Variants in MAGI2 observed in about 807,000 individuals in gnomAD.
MAGI2 encodes the protein membrane-associated guanylate kinase, WW and PDZ domain-containing protein 2.
Under a neutral mutation model 133.3 loss-of-function variants are expected in MAGI2, and 35 were observed. The observed-to-expected ratio is 0.26, with a 90% CI of 0.20 to 0.35. The LOEUF (loss-of-function observed/expected upper bound fraction) is 0.35. Ranked by LOEUF, MAGI2 falls within the 10% of genes least tolerant of loss-of-function variation. The probability of loss-of-function intolerance (pLI) is 1.00; values close to 1 mark genes in which losing one functional copy is unlikely to be tolerated. For synonymous variants in MAGI2, 729 were observed against 710.6 expected (o/e 1.03, Z -0.41); for missense variants, 1,636 against 1,863.4 (o/e 0.88, Z 2.25).
chr7:79,183,462 A>T (rs901142738), intron 1 of MAGI2, among the ~76,000 whole-genome samples: 3 of 151,858 alleles, frequency 2.0e-5, no homozygotes, highest in Admixed American at 6.6e-5. Flanking sequence ...ATGGGAGTTT[A>T]AAAAAATTGT....
chr7:79,185,422 C>CA (rs1279708658), intron 1 of MAGI2, among the ~76,000 whole-genome samples: 1 of 151,684 alleles, frequency 6.6e-6, no homozygotes, highest in Non-Finnish European at 1.5e-5. Flanking sequence ...TAACAATCAT[C>CA]AACAACAGTT....
chr7:78,371,479 C>T (rs760445871), intron 6 of MAGI2, among the ~76,000 whole-genome samples: 1 of 151,888 alleles, frequency 6.6e-6, no homozygotes, highest in African/African-American at 2.4e-5. Context: ...ATGAATACAG[C>T]CCTACTTCTT....
At chr7:78,046,855 A>G (rs1358226637) in intron 21 of MAGI2, among the ~76,000 whole-genome samples, 1 of 152,240 alleles carries the variant, frequency 6.6e-6, no homozygotes, top group African/African-American at 2.4e-5. Context: ...AAGTCTTGAG[A>G]TGGTATCATA....
chr7:79,231,998 C>T (rs1198277790), intron 1 of MAGI2, among the ~76,000 whole-genome samples: 5 of 152,050 alleles, frequency 3.3e-5, no homozygotes, highest in Admixed American at 3.3e-4. Context: ...GAGTTTTTAG[C>T]ATGAAGGTTG....
chr7:78,829,367 T>G (rs1354567616), intron 2 of MAGI2, among the ~76,000 whole-genome samples: 2 of 152,108 alleles, frequency 1.3e-5, no homozygotes, highest in Non-Finnish European at 2.9e-5. Context: ...TTGAAATTTT[T>G]GAATTGAAGT....
intron 2 of MAGI2, among the ~76,000 whole-genome samples, chr7:78,890,664 A>G (rs1343029674): frequency 1.3e-5 from 2 of 151,868 alleles, no homozygotes; most frequent in Non-Finnish European, 2.9e-5. Flanking sequence ...AAATAAAGAT[A>G]TTCTTTGAAA....
intron 10 of MAGI2, among the ~76,000 whole-genome samples, chr7:78,241,298 A>T (rs1467022891): frequency 6.6e-6 from 1 of 152,174 alleles, no homozygotes. Flanking sequence ...TGTTTCTGCT[A>T]CTTCTAAATG....
intron 1 of MAGI2, among the ~76,000 whole-genome samples, chr7:79,377,670 T>C (rs2129139725): frequency 6.6e-6 from 1 of 151,830 alleles, no homozygotes; most frequent in African/African-American, 2.4e-5. Flanking sequence ...TGAACCAATG[T>C]AACAGCAACA....
chr7:79,115,837 AT>A (rs1024885926), intron 1 of MAGI2, among the ~76,000 whole-genome samples: 4 of 138,840 alleles, frequency 2.9e-5, no homozygotes, highest in Non-Finnish European at 6.1e-5. Context: ...TCTCTGAATT[AT>A]TCTAAATGTT....
intron 2 of MAGI2, among the ~76,000 whole-genome samples, chr7:78,792,391 G>A (rs533098575): frequency 5.9e-5 from 9 of 152,194 alleles, no homozygotes; most frequent in South Asian, 2.1e-4. Context: ...ATTTAAAGCC[G>A]CACTTTTTAT....
intron 1 of MAGI2, among the ~76,000 whole-genome samples, chr7:79,389,118 TTAAG>T (rs1251054029): frequency 6.6e-6 from 1 of 151,962 alleles, no homozygotes; most frequent in African/African-American, 2.4e-5. Flanking sequence ...ATTGTATTGA[TTAAG>T]TAAGATACCT....
chr7:78,688,910 T>G (rs907171250), intron 2 of MAGI2, among the ~76,000 whole-genome samples: 1 of 152,146 alleles, frequency 6.6e-6, no homozygotes, highest in Non-Finnish European at 1.5e-5. Context: ...GTTCCCATAA[T>G]ATGCCTAGGG....
intron 1 of MAGI2, among the ~76,000 whole-genome samples, chr7:79,214,443 A>ATAT (rs1829828043): frequency 9.3e-6 from 1 of 107,996 alleles, no homozygotes; most frequent in African/African-American, 3.4e-5. Context: ...ATATATATAT[A>ATAT]AATATGCACA....
intron 2 of MAGI2, among the ~76,000 whole-genome samples, chr7:78,832,162 A>G (rs1361868302): frequency 8.5e-6 from 1 of 118,078 alleles, no homozygotes; most frequent in African/African-American, 3.4e-5. Flanking sequence ...TTCTCTGAAG[A>G]AAAAAAAAAG....
intron 1 of MAGI2, among the ~76,000 whole-genome samples, chr7:79,191,119 CT>C (rs1252722021): frequency 4.6e-5 from 7 of 151,538 alleles, no homozygotes; most frequent in African/African-American, 1.5e-4. Context: ...AATTCATCTT[CT>C]TTTTTTATAT....
chr7:78,582,580 A>C (rs1249445416), intron 3 of MAGI2, among the ~76,000 whole-genome samples: 1 of 152,246 alleles, frequency 6.6e-6, no homozygotes, highest in African/African-American at 2.4e-5. Context: ...ATGTGCCAAG[A>C]GGCAATATGA....
intron 1 of MAGI2, among the ~76,000 whole-genome samples, chr7:79,154,382 T>A (rs1181860845): frequency 6.6e-6 from 1 of 152,214 alleles, no homozygotes; most frequent in Non-Finnish European, 1.5e-5. Flanking sequence ...AATGTTATTT[T>A]ATTACAAATT....
intron 6 of MAGI2, among the ~76,000 whole-genome samples, chr7:78,477,349 A>C (rs1275144650): frequency 6.6e-6 from 1 of 152,034 alleles, no homozygotes. Context: ...ATGTTGTAAG[A>C]ACACTGAATG....
intron 9 of MAGI2, among the ~76,000 whole-genome samples, chr7:78,260,638 C>T (rs1281566518): frequency 6.6e-6 from 1 of 151,986 alleles, no homozygotes; most frequent in Non-Finnish European, 1.5e-5. Context: ...GGAAAATTTA[C>T]TTTGTTTGCT....
Sources: gnomAD v4.1 joint callset for allele counts (sites outside exome capture counted in the v4.1 genomes callset) on GRCh38, gnomAD v4.1.1 for gene constraint, MANE v1.5 for transcripts, NCBI Gene and HGNC (gene_info 2026-07-23, HGNC 2026-07-21) for gene names.